THADA: variants seen among roughly 807,000 people sequenced by gnomAD.
THADA encodes the protein THADA armadillo repeat containing.
Under a neutral mutation model 219.8 loss-of-function variants are expected in THADA, and 213 were observed. The observed-to-expected ratio is 0.97, with a 90% CI of 0.87 to 1.09. The LOEUF is 1.09. THADA is among the 50% of genes least tolerant of loss of function. The probability of loss-of-function intolerance (pLI) is 0.00; values close to 1 mark genes in which losing one functional copy is unlikely to be tolerated. For synonymous variants in THADA, 1,018 were observed against 828.9 expected, an observed-to-expected ratio of 1.23 and a Z score of -3.92; for missense variants, 2,956 against 2,311.3, an observed-to-expected ratio of 1.28 and a Z score of -5.72.
At chr2:43,376,798 G>A (rs1671429792) in intron 29 of THADA, among the ~76,000 whole-genome samples, 1 of 152,188 alleles carries the variant, frequency 6.6e-6, no homozygotes, top group Admixed American at 6.5e-5. Flanking sequence ...GGCCTAGAAT[G>A]AGTTTGTCCA....
chr2:43,585,093 G>A (rs544842926), intron 7 of THADA, among the ~76,000 whole-genome samples: 59 of 152,062 alleles, frequency 3.9e-4, no homozygotes, highest in African/African-American at 1.2e-3. Flanking sequence ...ACATCTTTAG[G>A]TTTCCCCAAG....
chr2:43,270,381 C>CT (rs1671987647), intron 36 of THADA, among the ~76,000 whole-genome samples: 1 of 152,180 alleles, frequency 6.6e-6, no homozygotes, highest in South Asian at 2.1e-4. Context: ...CATCTGCCCT[C>CT]TATTCCCTTT....
At chr2:43,435,968 G>A (rs1212385774) in intron 26 of THADA, among the ~76,000 whole-genome samples, 2 of 152,012 alleles carry the variant, frequency 1.3e-5, no homozygotes, top group Middle Eastern at 3.4e-3. Flanking sequence ...CTGGCCAAAA[G>A]AGCCCTAGGA....
At chr2:43,377,175 C>T (rs747946845) in intron 29 of THADA, among the ~76,000 whole-genome samples, 44 of 152,100 alleles carry the variant, frequency 2.9e-4, no homozygotes, top group Non-Finnish European at 4.3e-4. Context: ...TCTGCAAATG[C>T]CTTTGGCAAA....
In THADA at chr2:43,451,874, A is replaced by G. The variant is rs548876522; in HGVS notation, c.3837-21572T>C. Among the ~76,000 whole-genome samples, 46 of 152,322 alleles carry G rather than the reference A, an allele frequency of 3.0e-4. 1 individual carries two copies. Among genetic ancestry groups the G allele is most frequent in the African/African-American group, 1.1e-3 (44 of 41,582 alleles). On this transcript the variant is annotated intron_variant, in intron 26 of 37. Coordinates refer to ENST00000405975, the MANE Select transcript of THADA (RefSeq NM_022065.5). ...GTAATCCCAGCACTTCGGGAGGCTG[A>G]GGCAGGTCAATCACCTGAGGTCAGG... is the stretch of plus-strand genomic sequence containing the variant.
In THADA at chr2:43,577,112, G is replaced by C. The variant is rs188056909; in HGVS notation, c.947C>G (p.Ala316Gly). The change falls in exon 10 of 38, where the codon GCC (alanine) becomes GGC (glycine). Residue 316 changes from alanine (A) to glycine (G), a missense_variant. Physicochemically the swap from Ala to Gly is moderately conservative, Grantham distance 60. Coordinates refer to ENST00000405975, the MANE Select transcript of THADA (RefSeq NM_022065.5). ...AVLFLCQGTL[A>G]MLDWQNGSMG... ...GCTTCCGTTCTGCCAGTCCAACATG[G>C]CAAGTGTCCCCTGACAGAGGAATAA... The C allele has an allele frequency of 6.2e-7, 1 of 1,613,168 alleles. No individual in the cohort carries two copies. Among genetic ancestry groups the C allele is most frequent in the South Asian group, 1.1e-5 (1 of 90,684 alleles).
At position 43,574,978 on chromosome 2, in the gene THADA, A is replaced by G; in HGVS notation, c.1087T>C (p.Trp363Arg). 1 of 1,613,964 alleles carries G rather than the reference A, an allele frequency of 6.2e-7. No homozygotes were observed. Among genetic ancestry groups the G allele is most frequent in the Non-Finnish European group, 8.5e-7 (1 of 1,179,868 alleles). The change falls in exon 11 of 38, where the codon TGG becomes CGG. Residue 363 changes from tryptophan (W) to arginine (R), a missense_variant. Transcript: ENST00000405975. ...EMFLSRILAS[W>R]TNSAIQVLES... ...AGGACTTGTATGGCTGAATTAGTCC[A>G]GGATGCTAAGATTCTAGACAGAAAC...
intron 36 of THADA, among the ~76,000 whole-genome samples, chr2:43,240,666 C>G (rs1322945005): frequency 1.3e-5 from 2 of 152,132 alleles, no homozygotes; most frequent in South Asian, 2.1e-4. Flanking sequence ...ACCTTTACCA[C>G]CAATTAAAAG....
intron 28 of THADA, among the ~76,000 whole-genome samples, chr2:43,403,254 A>C (rs996674831): frequency 6.6e-6 from 1 of 152,226 alleles, no homozygotes; most frequent in Non-Finnish European, 1.5e-5. Context: ...AATGTTTCCA[A>C]ACATTCAACC....
chr2:43,396,657 G>A (rs1018161749), intron 29 of THADA, among the ~76,000 whole-genome samples: 2 of 151,696 alleles, frequency 1.3e-5, no homozygotes, highest in Non-Finnish European at 2.9e-5. Flanking sequence ...AAAAATTAGT[G>A]ACTGTGGGGA....
At chr2:43,519,104 C>T (rs564197878) in intron 22 of THADA, among the ~76,000 whole-genome samples, 178 of 152,042 alleles carry the variant, frequency 1.2e-3, no homozygotes, top group African/African-American at 4.1e-3. Context: ...GTTCAGTGAG[C>T]GGATCTTTGT....
rs1049161792 is a variant in THADA at position 43,342,831 on chromosome 2, A to G, written c.4343+1291T>C. Among the ~76,000 whole-genome samples, 10 of 152,336 alleles carry G rather than the reference A, an allele frequency of 6.6e-5. No individual in the cohort carries two copies. The East Asian group carries it at 1.2e-3, about 18-fold the overall frequency. ...AAGGCTAGCAGGTAGCCTGTGCTCA[A>G]CAATGCTTTGTTGAATTAAACTGAT... On this transcript the variant is annotated intron_variant, in intron 30 of 37. Transcript: ENST00000405975.
chr2:43,352,854 G>T (rs1224200644), intron 29 of THADA, among the ~76,000 whole-genome samples: 1 of 152,108 alleles, frequency 6.6e-6, no homozygotes. Context: ...CCGCGTAATT[G>T]CTACTTTGTA....
At chr2:43,401,924 G>C (rs1177899242) in intron 28 of THADA, among the ~76,000 whole-genome samples, 1 of 150,102 alleles carries the variant, frequency 6.7e-6, no homozygotes, top group Non-Finnish European at 1.5e-5. Flanking sequence ...ATTTCTAAAT[G>C]AGTGGTTTTT....
chr2:43,576,033 G>A (rs1276016283), intron 10 of THADA, among the ~76,000 whole-genome samples: 1 of 152,126 alleles, frequency 6.6e-6, no homozygotes, highest in African/African-American at 2.4e-5. Flanking sequence ...CACTACACAT[G>A]TAGAAACTTT....
intron 30 of THADA, among the ~76,000 whole-genome samples, chr2:43,322,263 G>A (rs1678802998): frequency 6.6e-6 from 1 of 152,022 alleles, no homozygotes; most frequent in African/African-American, 2.4e-5. Flanking sequence ...CAGCACTTTG[G>A]GAGGCTGAGG....
At chr2:43,545,611 T>A (rs530778168) in intron 20 of THADA, among the ~76,000 whole-genome samples, 1 of 152,340 alleles carries the variant, frequency 6.6e-6, no homozygotes, top group Non-Finnish European at 1.5e-5. Context: ...GGAGGGTGTA[T>A]GTGTCGAGGA....
At chr2:43,512,255 C>T (rs1468446332) in intron 22 of THADA, among the ~76,000 whole-genome samples, 1 of 152,124 alleles carries the variant, frequency 6.6e-6, no homozygotes, top group African/African-American at 2.4e-5. Flanking sequence ...TGGAATTCCC[C>T]AGCATCAAAC....
At chr2:43,590,265 C>A (rs1283652757) in intron 4 of THADA, among the ~76,000 whole-genome samples, 3 of 152,068 alleles carry the variant, frequency 2.0e-5, no homozygotes, top group African/African-American at 4.8e-5. Flanking sequence ...GAAAAAACAG[C>A]AAGATGACAT....
Sources: allele counts gnomAD v4.1 joint callset (sites outside exome capture counted in the v4.1 genomes callset), GRCh38; gene constraint gnomAD v4.1.1; transcripts MANE v1.5; gene names NCBI Gene and HGNC (gene_info 2026-07-23, HGNC 2026-07-21).